CR1L: variants seen among roughly 807,000 people sequenced by gnomAD.
CR1L encodes complement component receptor 1-like protein.
Under a neutral mutation model 62.3 loss-of-function variants are expected in CR1L, and 59 were observed. The observed-to-expected ratio is 0.95, with a 90% CI of 0.77 to 1.18. The LOEUF is 1.18. CR1L is among the 50% of genes most tolerant of loss of function. The probability of loss-of-function intolerance (pLI) is 0.00; values close to 1 mark genes in which losing one functional copy is unlikely to be tolerated. For missense variants in CR1L, 700 were observed against 702.8 expected (o/e 1.00, Z 0.04); for synonymous variants, 279 against 248.7 (o/e 1.12, Z -1.15).
intron 10 of CR1L, among the ~76,000 whole-genome samples, chr1:207,717,218 T>C (rs1340585854): frequency 6.6e-6 from 1 of 152,200 alleles, no homozygotes; most frequent in East Asian, 1.9e-4. Flanking sequence ...AAATTCATTA[T>C]GAACGTAGCT....
At chr1:207,707,398 T>C (rs538985880) in intron 9 of CR1L, among the ~76,000 whole-genome samples, 182 of 152,212 alleles carry the variant, frequency 1.2e-3, no homozygotes, top group Non-Finnish European at 2.1e-3. Flanking sequence ...GAGGCCGAGG[T>C]GGGAGGGTCA....
intron 5 of CR1L, among the ~76,000 whole-genome samples, chr1:207,695,995 A>C (rs1045446507): frequency 6.6e-6 from 1 of 152,176 alleles, no homozygotes; most frequent in Non-Finnish European, 1.5e-5. Context: ...CACAGAGACA[A>C]ACCATATCAC....
At chr1:207,655,188 A>G in intron 1 of CR1L, 1 of 609,496 alleles carries the variant, frequency 1.6e-6, no homozygotes, top group Non-Finnish European at 3.0e-6. Context: ...TTTCCCATTT[A>G]GTTATTACTT....
At chr1:207,652,252 G>A (rs1472169955) in intron 1 of CR1L, among the ~76,000 whole-genome samples, 3 of 152,160 alleles carry the variant, frequency 2.0e-5, no homozygotes, top group African/African-American at 7.2e-5. Flanking sequence ...GAAAAATGTG[G>A]AGAAAGATGC....
At chr1:207,651,037 G>A (rs60467252) in intron 1 of CR1L, among the ~76,000 whole-genome samples, 19,613 of 151,888 alleles carry the variant, frequency 0.13, 1,408 homozygotes, top group Admixed American at 0.19. Context: ...CGCCCGCCTC[G>A]GCCTCCCAAA....
intron 10 of CR1L, chr1:207,710,578 A>C (rs1036125003): frequency 1.3e-5 from 21 of 1,610,004 alleles, no homozygotes; most frequent in Middle Eastern, 2.2e-4. Flanking sequence ...GGAGCGGCCC[A>C]GTCCCTCAGT....
intron 1 of CR1L, among the ~76,000 whole-genome samples, chr1:207,647,242 G>T (rs1488451437): frequency 6.6e-6 from 1 of 152,208 alleles, no homozygotes; most frequent in African/African-American, 2.4e-5. Context: ...TGACTGGGGG[G>T]AGGGAAGGCT....
At chr1:207,651,269 A>C (rs1317562908) in intron 1 of CR1L, among the ~76,000 whole-genome samples, 1 of 139,454 alleles carries the variant, frequency 7.2e-6, no homozygotes, top group Non-Finnish European at 1.6e-5. Context: ...AGGCATGTTT[A>C]GTTTGAAATT....
At chr1:207,721,281 T>C (rs536606927) in intron 11 of CR1L, among the ~76,000 whole-genome samples, 48 of 151,810 alleles carry the variant, frequency 3.2e-4, no homozygotes, top group African/African-American at 6.3e-4. Context: ...CATGCTGGTG[T>C]GCTGCAACCA....
At chr1:207,686,316 G>A (rs1663912031) in intron 4 of CR1L, among the ~76,000 whole-genome samples, 1 of 151,372 alleles carries the variant, frequency 6.6e-6, no homozygotes, top group Non-Finnish European at 1.5e-5. Context: ...CAAAGGGAAG[G>A]ATTAAAACAT....
intron 11 of CR1L, among the ~76,000 whole-genome samples, chr1:207,720,234 C>G (rs1041827489): frequency 6.6e-6 from 1 of 152,190 alleles, no homozygotes; most frequent in South Asian, 2.1e-4. Context: ...CTTCTTGTTC[C>G]TAGTCTCTTT....
At chr1:207,723,279 A>C (rs1277891533) in intron 11 of CR1L, among the ~76,000 whole-genome samples, 2 of 152,172 alleles carry the variant, frequency 1.3e-5, no homozygotes, top group African/African-American at 2.4e-5. Context: ...AAAACACAAA[A>C]ATTAGCTGGG....
In CR1L at chr1:207,708,138, G is replaced by T. The variant is rs527333936; in HGVS notation, c.1329-40G>T. The T allele has an allele frequency of 5.1e-4, 678 of 1,324,098 alleles. 5 individuals are homozygous for T. The African/African-American group carries it at 0.013, about 26-fold the overall frequency. 82.0% of individuals were successfully genotyped at this position (1,324,098 alleles called of 1,614,324 possible). On this transcript the variant is annotated intron_variant, in intron 9 of 11. Transcript: ENST00000508064. Reference sequence around the variant, plus strand: ...ATGCATGCTGTCAGGAAGTTGATGAGGTATGTACAGCACAATTATTTTCCA... The same window carrying T: ...ATGCATGCTGTCAGGAAGTTGATGATGTATGTACAGCACAATTATTTTCCA...
At chr1:207,660,070 C>T (rs1194623891) in intron 1 of CR1L, among the ~76,000 whole-genome samples, 1 of 152,250 alleles carries the variant, frequency 6.6e-6, no homozygotes, top group Non-Finnish European at 1.5e-5. Flanking sequence ...TACTGCCTCT[C>T]TAGATTCCAC....
chr1:207,655,286 T>TA, intron 1 of CR1L: 8 of 634,916 alleles, frequency 1.3e-5, no homozygotes, highest in South Asian at 1.7e-5. Context: ...GTAAGTAAAT[T>TA]CTTTTTTTTT....
chr1:207,665,036 T>C (rs1663493032), intron 1 of CR1L, among the ~76,000 whole-genome samples: 1 of 152,218 alleles, frequency 6.6e-6, no homozygotes, highest in Non-Finnish European at 1.5e-5. Flanking sequence ...CATTATAAAA[T>C]ATGAAACGTA....
intron 8 of CR1L, among the ~76,000 whole-genome samples, chr1:207,700,311 G>A (rs1664171302): frequency 6.6e-6 from 1 of 152,140 alleles, no homozygotes; most frequent in Non-Finnish European, 1.5e-5. Flanking sequence ...GCTCCTTGAG[G>A]CAGCATGACA....
In CR1L at chr1:207,645,144, T is replaced by TA. The variant is rs1663095614; in HGVS notation, c.-88dup. On this transcript the variant is annotated 5_prime_UTR_variant, in exon 1 of 12. Transcript: ENST00000508064. Reference sequence around the variant, plus strand: ...TGAGTTTGGGGATTGTTGTGTCCACTAACCGGACTCAGAAGGGACTTCCCT... The same window carrying TA: ...TGAGTTTGGGGATTGTTGTGTCCACTAAACCGGACTCAGAAGGGACTTCCCT... 2 of 1,295,874 alleles carry TA rather than the reference T, an allele frequency of 1.5e-6. No homozygotes were observed. The highest frequency in any genetic ancestry group is 2.2e-6 in the Non-Finnish European group (2 of 908,710). 80.3% of individuals were successfully genotyped at this position (1,295,874 alleles called of 1,614,324 possible). A position where few individuals can be genotyped will look rare whatever the true frequency, so the allele number is the denominator to read the frequency against.
Position 207,705,442 on chromosome 1 carries a change from A to G in CR1L, c.1329-2736A>G, listed in dbSNP as rs6673645. Among the ~76,000 whole-genome samples the G allele has an allele frequency of 7.3e-3, 1,109 of 152,308 alleles. 15 individuals carry two copies. The highest frequency in any genetic ancestry group is 0.024 in the Middle Eastern group (7 of 294). On this transcript the variant is annotated intron_variant, in intron 9 of 11. Coordinates refer to ENST00000508064, the MANE Select transcript of CR1L (RefSeq NM_175710.2). ...CTGTTGGTGCTCACCCTTGCTCAGC[A>G]CACAGTGGAGGCTCTGCCTCAATCT...
Sources: gnomAD v4.1 joint callset for allele counts (sites outside exome capture counted in the v4.1 genomes callset) on GRCh38, gnomAD v4.1.1 for gene constraint, MANE v1.5 for transcripts, NCBI Gene and HGNC (gene_info 2026-07-23, HGNC 2026-07-21) for gene names.